Variants in SYT6 observed in about 807,000 individuals in gnomAD.
The protein encoded by SYT6 is synaptotagmin-6.
A neutral mutation model predicts 38.4 loss-of-function variants in SYT6; 24 were observed. The observed-to-expected ratio is 0.62, with a 90% CI of 0.45 to 0.88. SYT6 has a LOEUF of 0.88. Ranked by LOEUF, SYT6 falls within the 40% of genes least tolerant of loss-of-function variation. SYT6 has a pLI of 0.00. For missense variants in SYT6, 611 were observed against 621.0 expected (o/e 0.98, Z 0.17); for synonymous variants, 265 against 241.9 (o/e 1.10, Z -0.89).
At chr1:114,122,731 C>T (rs543938130) in intron 3 of SYT6, among the ~76,000 whole-genome samples, 1 of 152,300 alleles carries the variant, frequency 6.6e-6, no homozygotes, top group African/African-American at 2.4e-5. Flanking sequence ...TGGCTGCCTG[C>T]ACTTGGATAG....
chr1:114,151,514 CT>C (rs1456447974), intron 1 of SYT6, among the ~76,000 whole-genome samples: 1 of 152,284 alleles, frequency 6.6e-6, no homozygotes, highest in South Asian at 2.1e-4. Flanking sequence ...GTGCCTCCCC[CT>C]ACCAAGATGT....
chr1:114,139,989 G>C, intron 1 of SYT6, 26 bp from the exon 2 acceptor site: 1 of 1,406,576 alleles, frequency 7.1e-7, no homozygotes, highest in Non-Finnish European at 9.5e-7. Context: ...GCCAGGCAGG[G>C]AGGGACAGAC....
intron 3 of SYT6, among the ~76,000 whole-genome samples, chr1:114,118,410 C>T (rs193258133): frequency 8.4e-4 from 128 of 152,332 alleles, no homozygotes; most frequent in African/African-American, 3.0e-3. Flanking sequence ...GAGAGAGGCC[C>T]AGGGAGAAGC....
chr1:114,114,976 A>T (rs1379168779), intron 3 of SYT6, among the ~76,000 whole-genome samples: 3 of 152,230 alleles, frequency 2.0e-5, no homozygotes, highest in Non-Finnish European at 4.4e-5. Context: ...CACACTGGGT[A>T]TATTTTAGAA....
chr1:114,125,813 C>T (rs61810279), intron 3 of SYT6, among the ~76,000 whole-genome samples: 4,253 of 152,194 alleles, frequency 0.028, 70 homozygotes, highest in African/African-American at 0.044. Context: ...CTTTGATAAA[C>T]GGCCTCTTTT....
At chr1:114,135,543 A>G (rs1678427529) in intron 3 of SYT6, among the ~76,000 whole-genome samples, 1 of 152,066 alleles carries the variant, frequency 6.6e-6, no homozygotes, top group African/African-American at 2.4e-5. Context: ...GATTTGTCCT[A>G]TGCTCTTTGG....
chr1:114,131,727 G>C (rs1273272666), intron 3 of SYT6, among the ~76,000 whole-genome samples: 3 of 152,170 alleles, frequency 2.0e-5, no homozygotes, highest in Non-Finnish European at 2.9e-5. Context: ...CCGGCACATA[G>C]TCAGCATTCA....
chr1:114,100,105 T>TA, intron 4 of SYT6, among the ~76,000 whole-genome samples: 1 of 152,340 alleles, frequency 6.6e-6, no homozygotes, highest in East Asian at 1.9e-4. Context: ...TGAATGGGTA[T>TA]TTCATGGTCA....
At chr1:114,116,022 CA>C (rs1676973191) in intron 3 of SYT6, among the ~76,000 whole-genome samples, 1 of 151,458 alleles carries the variant, frequency 6.6e-6, no homozygotes, top group Non-Finnish European at 1.5e-5. Context: ...GTTCTGGAAG[CA>C]AGAAGCATGA....
At chr1:114,115,451 C>G (rs1197853483) in intron 3 of SYT6, among the ~76,000 whole-genome samples, 1 of 148,944 alleles carries the variant, frequency 6.7e-6, no homozygotes, top group Non-Finnish European at 1.5e-5. Flanking sequence ...GTGTCTCGCT[C>G]TGTCGCCCAG....
rs1228478381 is a variant in SYT6 at position 114,139,762 on chromosome 1, G to A, written c.365C>T (p.Pro122Leu). The A allele has an allele frequency of 5.0e-6, 8 of 1,613,880 alleles. No individual in the cohort carries two copies. The highest frequency in any genetic ancestry group is 6.8e-6 in the Non-Finnish European group (8 of 1,179,890). Residue 122 changes from proline (P) to leucine (L), a missense_variant, in exon 2 of 8, where the codon CCC becomes CTC. By Grantham distance (98) the Pro-to-Leu change is moderately conservative. Coordinates refer to ENST00000610222, the MANE Select transcript of SYT6 (RefSeq NM_001253772.2). ...CGCCTCCAGGAAGCCCAGGGTGCTGGGGTCCTTCAGCTTGTCCGCCATGTT... is the reference window on the plus strand; with the variant it reads ...CGCCTCCAGGAAGCCCAGGGTGCTGAGGTCCTTCAGCTTGTCCGCCATGTT... ...RGNMADKLKD[P>L]STLGFLEAAV...
At chr1:114,118,232 C>G (rs749397575) in intron 3 of SYT6, among the ~76,000 whole-genome samples, 1 of 152,220 alleles carries the variant, frequency 6.6e-6, no homozygotes, top group African/African-American at 2.4e-5. Flanking sequence ...GATGATAAAG[C>G]GCCAAATTAG....
chr1:114,132,705 G>T (rs1678226298), intron 3 of SYT6, among the ~76,000 whole-genome samples: 1 of 152,210 alleles, frequency 6.6e-6, no homozygotes, highest in South Asian at 2.1e-4. Context: ...TCAGGCCTGG[G>T]AGTGGTACAG....
At chr1:114,120,565 G>A (rs959874624) in intron 3 of SYT6, among the ~76,000 whole-genome samples, 1 of 152,124 alleles carries the variant, frequency 6.6e-6, no homozygotes, top group Non-Finnish European at 1.5e-5. Flanking sequence ...CTTTTCTGGA[G>A]CAACACAAAG....
intron 3 of SYT6, among the ~76,000 whole-genome samples, chr1:114,128,723 A>T (rs1677900296): frequency 6.6e-6 from 1 of 152,072 alleles, no homozygotes; most frequent in Admixed American, 6.5e-5. Flanking sequence ...CTCTGGAAAC[A>T]CTTCCTTTGT....
chr1:114,098,960 T>G, intron 5 of SYT6, 134 bp downstream of exon 5: 2 of 848,198 alleles, frequency 2.4e-6, no homozygotes, highest in East Asian at 5.3e-5. Context: ...GCACCCTTCT[T>G]GGGTACAGAT....
chr1:114,128,741 G>C (rs1056431991), intron 3 of SYT6, among the ~76,000 whole-genome samples: 5 of 152,192 alleles, frequency 3.3e-5, no homozygotes, highest in Admixed American at 1.3e-4. Flanking sequence ...TGTTTCCTGA[G>C]ACACTGTACC....
intron 1 of SYT6, among the ~76,000 whole-genome samples, chr1:114,147,683 C>T (rs960505613): frequency 9.9e-5 from 15 of 152,232 alleles, no homozygotes; most frequent in African/African-American, 3.6e-4. Flanking sequence ...CATGTATCAT[C>T]TTCATTGCTT....
At chr1:114,109,816 G>A (rs1470835599) in intron 3 of SYT6, among the ~76,000 whole-genome samples, 1 of 152,220 alleles carries the variant, frequency 6.6e-6, no homozygotes. Context: ...TTTCAAGCTA[G>A]GCTTCCCAAA....
Sources: gnomAD v4.1 joint callset for allele counts (sites outside exome capture counted in the v4.1 genomes callset) on GRCh38, gnomAD v4.1.1 for gene constraint, MANE v1.5 for transcripts, NCBI Gene and HGNC (gene_info 2026-07-23, HGNC 2026-07-21) for gene names.